OR51A7: variants seen among roughly 807,000 people sequenced by gnomAD.
The protein encoded by OR51A7 is olfactory receptor 51A7.
For missense variants in OR51A7, 409 were observed against 374.5 expected (o/e 1.09, Z -0.76); for synonymous variants, 143 against 135.5 (o/e 1.05, Z -0.38).
chr11:4,908,348 C>A lies in OR51A7; in HGVS notation c.*40C>A, dbSNP rs773998070. The A allele has an allele frequency of 6.6e-7, 1 of 1,505,540 alleles. No homozygotes were observed. Among genetic ancestry groups the A allele is most frequent in the South Asian group, 1.1e-5 (1 of 88,736 alleles). 93.3% of individuals were successfully genotyped at this position (1,505,540 alleles called of 1,614,324 possible). A position where few individuals can be genotyped will look rare whatever the true frequency, so the allele number is the denominator to read the frequency against. On this transcript the variant is annotated 3_prime_UTR_variant, in exon 2 of 2. Transcript: ENST00000641490. ...AGGTAATAAATTATCAACCAGTAGG[C>A]ATTTACTGTCATTTGCTATGTGCTT... is the stretch of plus-strand genomic sequence containing the variant.
rs1011138516 is a variant in OR51A7 at position 4,908,644 on chromosome 11, G to A, written c.*336G>A. 2.8e-6 allele frequency: 1 copy of A among 355,004 alleles called. No individual in the cohort carries two copies. Among genetic ancestry groups the A allele is most frequent in the Non-Finnish European group, 5.3e-6 (1 of 188,126 alleles). The allele number at this position is 355,004 out of a possible 1,614,324, so 22.0% of individuals were successfully genotyped here. On this transcript the variant is annotated 3_prime_UTR_variant, in exon 2 of 2. Coordinates refer to ENST00000641490, the MANE Select transcript of OR51A7 (RefSeq NM_001004749.2). Reference sequence around the variant, plus strand: ...TCAGTTAGTATCTATTAAAAATACAGATGATATACAAAGTCTAATCTCATA... The same window carrying A: ...TCAGTTAGTATCTATTAAAAATACAAATGATATACAAAGTCTAATCTCATA...
rs1273100283 is a variant in OR51A7, at chr11:4,907,993, G to A, written c.624G>A (p.Leu208=). ...YGFFIALCTM[L]DLALIVLSYV... Reference sequence around the variant, plus strand: ...TCTTCATTGCTCTCTGTACTATGCTGGACTTGGCACTGATTGTTTTGTCTT... The same window carrying A: ...TCTTCATTGCTCTCTGTACTATGCTAGACTTGGCACTGATTGTTTTGTCTT... The change falls in exon 2 of 2, where the codon CTG becomes CTA. Residue 208 remains leucine (L), a synonymous_variant. Transcript: ENST00000641490. The A allele has an allele frequency of 5.0e-6, 8 of 1,614,122 alleles. No individual in the cohort carries two copies. The highest frequency in any genetic ancestry group is 6.8e-6 in the Non-Finnish European group (8 of 1,180,026).
chr11:4,907,420 C>G lies in OR51A7; in HGVS notation c.51C>G (p.Ile17Met), dbSNP rs1279031061. Residue 17 changes from isoleucine to methionine, a missense_variant, in exon 2 of 2, where the codon ATC becomes ATG. By Grantham distance (10) the Ile-to-Met change is conservative (BLOSUM62 1). Transcript: ENST00000641490. ...TCAAGCTTTTCCTTCTGATTGGGATCCCAGGACTGGAACATGCCCACATTT... is the reference window on the plus strand; with the variant it reads ...TCAAGCTTTTCCTTCTGATTGGGATGCCAGGACTGGAACATGCCCACATTT... ...SEVKLFLLIGIPGLEHAHIWF... is the reference protein window; with the variant it reads ...SEVKLFLLIGMPGLEHAHIWF... The G allele has an allele frequency of 6.2e-7, 1 of 1,613,778 alleles. No individual in the cohort carries two copies. Among genetic ancestry groups the G allele is most frequent in the African/African-American group, 1.3e-5 (1 of 74,868 alleles).
intron 1 of OR51A7, among the ~76,000 whole-genome samples, chr11:4,907,061 A>G (rs997449333): frequency 3.0e-5 from 4 of 134,970 alleles, no homozygotes; most frequent in African/African-American, 1.1e-4. Context: ...GCACCATTGC[A>G]CTCCAGCCTG....
At chr11:4,906,121 G>C (rs1850884275) in intron 1 of OR51A7, among the ~76,000 whole-genome samples, 1 of 152,182 alleles carries the variant, frequency 6.6e-6, no homozygotes, top group Non-Finnish European at 1.5e-5. Flanking sequence ...ATGGTAGCCT[G>C]AAGTGTGAAC....
At chr11:4,906,497 C>T (rs1301415844) in intron 1 of OR51A7, among the ~76,000 whole-genome samples, 2 of 152,098 alleles carry the variant, frequency 1.3e-5, no homozygotes, top group African/African-American at 4.8e-5. Context: ...TATATTTACT[C>T]ATGTATAAAA....
rs1850946042 is a variant in OR51A7 at position 4,908,740 on chromosome 11, T to C, written c.*432T>C. On this transcript the variant is annotated 3_prime_UTR_variant, in exon 2 of 2. Coordinates refer to ENST00000641490, the MANE Select transcript of OR51A7 (RefSeq NM_001004749.2). ...ACAATAGAAAGTGAAATTTAACAGA[T>C]AGCAAGTGATATTTTGGATAAAATA... 1.2e-5 allele frequency: 2 copies of C among 166,646 alleles called. No homozygotes were observed. The highest frequency in any genetic ancestry group is 2.6e-5 in the Non-Finnish European group (2 of 76,260). The allele number at this position is 166,646 out of a possible 1,614,324, so 10.3% of individuals were successfully genotyped here. A position where few individuals can be genotyped will look rare whatever the true frequency, so the allele number is the denominator to read the frequency against.
chr11:4,907,310 A>C lies in OR51A7; in HGVS notation c.-31-29A>C, dbSNP rs139207336. ...ACAAAACTGAGTTTTAACCAAAAGC[A>C]TGACTGCTTTTCATTTATATGGTTT... On this transcript the variant is annotated intron_variant, in intron 1 of 1. Transcript: ENST00000641490. 1,241 of 1,199,008 alleles carry C rather than the reference A, an allele frequency of 1.0e-3. 16 individuals carry two copies. In the African/African-American group the frequency reaches 0.016, roughly 15 times the overall value. The allele number at this position is 1,199,008 out of a possible 1,614,324, so 74.3% of individuals were successfully genotyped here. A position where few individuals can be genotyped will look rare whatever the true frequency, so the allele number is the denominator to read the frequency against.
At chr11:4,906,831 C>G (rs1564804176) in intron 1 of OR51A7, among the ~76,000 whole-genome samples, 2 of 152,104 alleles carry the variant, frequency 1.3e-5, no homozygotes, top group Non-Finnish European at 2.9e-5. Flanking sequence ...TGGCTCACAC[C>G]TGTAATCCCA....
At chr11:4,905,685 G>A (rs2133563424) in intron 1 of OR51A7, among the ~76,000 whole-genome samples, 1 of 152,062 alleles carries the variant, frequency 6.6e-6, no homozygotes, top group Admixed American at 6.6e-5. Context: ...TTTAATTTAT[G>A]CATTTACTAA....
In OR51A7 at chr11:4,908,556, A is replaced by G; in HGVS notation, c.*248A>G. 1.9e-6 allele frequency: 1 copy of G among 517,776 alleles called. No homozygotes were observed. The highest frequency in any genetic ancestry group is 2.1e-5 in the South Asian group (1 of 46,926). The allele number at this position is 517,776 out of a possible 1,614,324, so 32.1% of individuals were successfully genotyped here. ...TTGAAGGAAAATACTTCTGTGATGG[A>G]GCAGCTGGATTTGAGTCAACCCATA... On this transcript the variant is annotated 3_prime_UTR_variant, in exon 2 of 2. Coordinates refer to ENST00000641490, the MANE Select transcript of OR51A7 (RefSeq NM_001004749.2).
chr11:4,908,458 T>C lies in OR51A7; in HGVS notation c.*150T>C. 2 of 719,388 alleles carry C rather than the reference T, an allele frequency of 2.8e-6. No individual in the cohort carries two copies. Among genetic ancestry groups the C allele is most frequent in the Non-Finnish European group, 4.8e-6 (2 of 413,928 alleles). The allele number at this position is 719,388 out of a possible 1,614,324, so 44.6% of individuals were successfully genotyped here. ...AGAATTTATAATAAAGTTGAGAATA[T>C]AACTGAACAGGATAGAAAAAAAAGT... On this transcript the variant is annotated 3_prime_UTR_variant, in exon 2 of 2. Coordinates refer to ENST00000641490, the MANE Select transcript of OR51A7 (RefSeq NM_001004749.2).
rs760728485 is a variant in OR51A7, at chr11:4,908,131, C to A, written c.762C>A (p.Ile254=). ...ICAVLTFYVP[I]ITLAAMHHFA... ...CTGTGCTCACCTTCTATGTGCCCAT[C>A]ATCACCCTGGCTGCCATGCATCACT... The change falls in exon 2 of 2, where the codon ATC becomes ATA. Residue 254 remains isoleucine, a synonymous_variant. Coordinates refer to ENST00000641490, the MANE Select transcript of OR51A7 (RefSeq NM_001004749.2). The A allele has an allele frequency of 6.2e-7, 1 of 1,614,196 alleles. No homozygotes were observed.
At chr11:4,905,531 T>C (rs554341890) in intron 1 of OR51A7, among the ~76,000 whole-genome samples, 1 of 152,296 alleles carries the variant, frequency 6.6e-6, no homozygotes, top group East Asian at 1.9e-4. Flanking sequence ...CCACTGAAGG[T>C]TGATGACTTT....
At position 4,908,849 on chromosome 11, in the gene OR51A7, A is replaced by G. The variant is rs1383917357; in HGVS notation, c.*541A>G. ...GTTGGAATGCCAATTTCTTCTCTAC[A>G]TGATAAATTTCATTTTAAGAAGAGC... On this transcript the variant is annotated 3_prime_UTR_variant, in exon 2 of 2. Coordinates refer to ENST00000641490, the MANE Select transcript of OR51A7 (RefSeq NM_001004749.2). The G allele has an allele frequency of 2.5e-5, 4 of 161,368 alleles. No individual in the cohort carries two copies. The highest frequency in any genetic ancestry group is 1.8e-4 in the East Asian group (1 of 5,610). The allele number at this position is 161,368 out of a possible 1,614,324, so 10.0% of individuals were successfully genotyped here.
intron 1 of OR51A7, among the ~76,000 whole-genome samples, chr11:4,906,947 A>G (rs557813947): frequency 6.6e-6 from 1 of 151,908 alleles, no homozygotes; most frequent in African/African-American, 2.4e-5. Context: ...AAAATTAGCT[A>G]CGCATGGTGG....
chr11:4,906,662 C>G (rs894241442), intron 1 of OR51A7, among the ~76,000 whole-genome samples: 8 of 152,128 alleles, frequency 5.3e-5, no homozygotes, highest in Non-Finnish European at 1.0e-4. Context: ...ACATAAAGCT[C>G]AGAGATTTTA....
At chr11:4,906,417 T>G (rs561123465) in intron 1 of OR51A7, among the ~76,000 whole-genome samples, 3 of 152,306 alleles carry the variant, frequency 2.0e-5, no homozygotes, top group African/African-American at 7.2e-5. Context: ...TAATTTAAAA[T>G]CAAATGAAAG....
rs144796552 is a variant in OR51A7, at chr11:4,907,600, C to A, written c.231C>A (p.Ser77=). The A allele has an allele frequency of 1.5e-3, 2,486 of 1,613,856 alleles. 11 individuals are homozygous for A. Among genetic ancestry groups the A allele is most frequent in the South Asian group, 7.8e-3 (710 of 91,070 alleles). The stretch of plus-strand genomic sequence containing the variant: ...CTGACATGGGCCTGTCCCTCTCCTC[C>A]CTTCCTACCATGTTGAGGGTCTTCT... ...AVSDMGLSLS[S]LPTMLRVFLF... The change falls in exon 2 of 2, where the codon TCC becomes TCA. Residue 77 remains serine (S), a synonymous_variant. Transcript: ENST00000641490.
Sources: gnomAD v4.1 joint callset for allele counts (sites outside exome capture counted in the v4.1 genomes callset) on GRCh38, gnomAD v4.1.1 for gene constraint, MANE v1.5 for transcripts, NCBI Gene and HGNC (gene_info 2026-07-23, HGNC 2026-07-21) for gene names.